RAI14: variants seen among roughly 807,000 people sequenced by gnomAD.
RAI14 encodes retinoic acid induced 14.
A neutral mutation model predicts 115.4 loss-of-function variants in RAI14; 45 were observed. That is an observed-to-expected ratio of 0.39 (90% CI 0.31 to 0.50). The LOEUF (loss-of-function observed/expected upper bound fraction) is 0.50, where lower values mean the gene tolerates loss of function less well. Among genes scored for constraint, RAI14 ranks in the 20% least tolerant of loss-of-function variants. RAI14 has a pLI of 0.85. For synonymous variants in RAI14, 371 were observed against 415.4 expected (o/e 0.89, Z 1.30); for missense variants, 939 against 1,131.2 (o/e 0.83, Z 2.44).
chr5:34,789,975 T>C (rs1024138711), intron 3 of RAI14, among the ~76,000 whole-genome samples: 6 of 152,212 alleles, frequency 3.9e-5, no homozygotes, highest in African/African-American at 1.4e-4. Context: ...TTTTTGTCCC[T>C]CTTCTAAGCT....
chr5:34,677,242 G>A (rs1744055181), intron 1 of RAI14, among the ~76,000 whole-genome samples: 1 of 124,210 alleles, frequency 8.1e-6, no homozygotes, highest in African/African-American at 3.3e-5. Context: ...TCAGCTCACA[G>A]CAACCTTTGT....
At chr5:34,725,848 G>A (rs2150008196) in intron 2 of RAI14, among the ~76,000 whole-genome samples, 1 of 151,322 alleles carries the variant, frequency 6.6e-6, no homozygotes, top group Non-Finnish European at 1.5e-5. Flanking sequence ...CGTGTAATCA[G>A]CTACTTGGGA....
chr5:34,716,551 T>C (rs1742024204), intron 2 of RAI14, among the ~76,000 whole-genome samples: 1 of 152,098 alleles, frequency 6.6e-6, no homozygotes. Context: ...TAGCTGAGCC[T>C]ACAGGTGCGT....
intron 2 of RAI14, among the ~76,000 whole-genome samples, chr5:34,692,837 G>A (rs1738799691): frequency 6.6e-6 from 1 of 152,140 alleles, no homozygotes; most frequent in African/African-American, 2.4e-5. Context: ...CCACAAACCA[G>A]GTGGCTGAAA....
rs113591104 is a variant in RAI14 at position 34,824,600 on chromosome 5, A to T, written c.2649+109A>T. ...TGGCACTAAACTGGAGTGAATGCTC[A>T]GAGGCTCTGCACATGAACTTTATCT... On this transcript the variant is annotated intron_variant, in intron 15 of 17. Coordinates refer to ENST00000265109, the MANE Select transcript of RAI14 (RefSeq NM_015577.3). 4 of 893,022 alleles carry T rather than the reference A, an allele frequency of 4.5e-6. No individual in the cohort carries two copies. In the African/African-American group the frequency reaches 6.7e-5, roughly 15 times the overall value. 55.3% of individuals were successfully genotyped at this position (893,022 alleles called of 1,614,324 possible).
At chr5:34,657,262 TC>T (rs1216236631) in intron 1 of RAI14, 1 of 150,972 alleles carries the variant, frequency 6.6e-6, no homozygotes. Context: ...TGGGGTGTCG[TC>T]CTCAACCACC....
chr5:34,659,699 A>G (rs563242456), intron 1 of RAI14, among the ~76,000 whole-genome samples: 1 of 152,232 alleles, frequency 6.6e-6, no homozygotes, highest in African/African-American at 2.4e-5. Flanking sequence ...TTACACACTT[A>G]TTTAGTTAGT....
At chr5:34,664,742 T>C (rs113507544) in intron 1 of RAI14, among the ~76,000 whole-genome samples, 14,500 of 151,554 alleles carry the variant, frequency 0.096, 792 homozygotes, top group African/African-American at 0.13. Flanking sequence ...ATACGCTGCA[T>C]CCTATTTGTA....
At chr5:34,750,847 C>CCTTTTTT (rs1561309335) in intron 2 of RAI14, among the ~76,000 whole-genome samples, 2 of 62,456 alleles carry the variant, frequency 3.2e-5, no homozygotes, top group African/African-American at 7.6e-5. Flanking sequence ...TTTGCTTTAT[C>CCTTTTTT]ATTTTTTTTT....
chr5:34,732,014 G>A (rs1278245701), intron 2 of RAI14, among the ~76,000 whole-genome samples: 1 of 152,164 alleles, frequency 6.6e-6, no homozygotes, highest in Non-Finnish European at 1.5e-5. Flanking sequence ...TCTGTTTTCA[G>A]TCTCCTAAAG....
intron 2 of RAI14, among the ~76,000 whole-genome samples, chr5:34,746,436 G>T (rs79053399): frequency 0.17 from 24,559 of 144,214 alleles, 2,739 homozygotes; most frequent in Non-Finnish European, 0.22. Flanking sequence ...ACAGACTCTC[G>T]CTCTGTAGCC....
intron 4 of RAI14, among the ~76,000 whole-genome samples, chr5:34,802,231 G>A (rs528475122): frequency 6.6e-6 from 1 of 152,192 alleles, no homozygotes; most frequent in East Asian, 1.9e-4. Context: ...ACCATCCACA[G>A]CAATTATCCA....
intron 11 of RAI14, 37 bp downstream of exon 11, chr5:34,813,697 C>A: frequency 1.3e-6 from 2 of 1,501,288 alleles, no homozygotes; most frequent in Non-Finnish European, 1.8e-6. Context: ...AATAAACGCA[C>A]CACAAGAAAG....
intron 2 of RAI14, among the ~76,000 whole-genome samples, chr5:34,744,859 C>T (rs896976226): frequency 6.6e-6 from 1 of 152,200 alleles, no homozygotes; most frequent in African/African-American, 2.4e-5. Flanking sequence ...CATGCTCCCT[C>T]CCAAGGTTCT....
At chr5:34,808,292 C>A (rs1188212532) in intron 6 of RAI14, among the ~76,000 whole-genome samples, 1 of 152,206 alleles carries the variant, frequency 6.6e-6, no homozygotes, top group Non-Finnish European at 1.5e-5. Flanking sequence ...TAGATTTACA[C>A]ATGTGTTTTA....
At chr5:34,806,990 CCA>C (rs1041706137) in intron 5 of RAI14, among the ~76,000 whole-genome samples, 1 of 152,168 alleles carries the variant, frequency 6.6e-6, no homozygotes, top group African/African-American at 2.4e-5. Context: ...ATGATAGTAT[CCA>C]CCTCGTGTTG....
In RAI14 at chr5:34,785,361, A is replaced by G. The variant is rs182800871; in HGVS notation, c.168-10578A>G. Among the ~76,000 whole-genome samples the G allele has an allele frequency of 2.5e-3, 381 of 152,220 alleles. 1 individual carries two copies. Among genetic ancestry groups the G allele is most frequent in the African/African-American group, 8.6e-3 (358 of 41,550 alleles). On this transcript the variant is annotated intron_variant, in intron 3 of 17. Transcript: ENST00000265109. ...CCATACCAGGGACATACCCCGTTTC[A>G]TGCATCATATGTTGACTTTGAGGGC...
chr5:34,693,732 C>T lies in RAI14; in HGVS notation c.36+6777C>T, dbSNP rs535782970. On this transcript the variant is annotated intron_variant, in intron 2 of 17. Transcript: ENST00000265109. ...GTCGCATGCTGTCAACCGCAGCACA[C>T]GCTTGCTAACAGGTTGCTGGTTCCT... Among the ~76,000 whole-genome samples, 10 of 152,280 alleles carry T rather than the reference C, an allele frequency of 6.6e-5. No individual in the cohort carries two copies. In the East Asian group the frequency reaches 1.3e-3, roughly 21 times the overall value.
rs1748044007 is a variant in RAI14, at chr5:34,757,474, G to A, written c.43G>A (p.Glu15Lys). Residue 15 changes from glutamate (E) to lysine (K), a missense_variant, in exon 3 of 18, where the codon GAG (glutamate) becomes AAG (lysine). Physicochemically the swap from Glu to Lys is moderately conservative, Grantham distance 56 (BLOSUM62 1). Transcript: ENST00000265109. The stretch of plus-strand genomic sequence containing the variant: ...TTCTTCTCTTTCTCTACAGACCAAT[G>A]AGTGGAACAAGAATGATGACCGGCT... ...KAKFRKSDTN[E>K]WNKNDDRLLQ... is the part of the protein sequence containing the mutation. The A allele has an allele frequency of 1.2e-6, 2 of 1,613,486 alleles. No homozygotes were observed. Among genetic ancestry groups the A allele is most frequent in the Non-Finnish European group, 1.7e-6 (2 of 1,179,780 alleles).
Sources: allele counts gnomAD v4.1 joint callset (sites outside exome capture counted in the v4.1 genomes callset), GRCh38; gene constraint gnomAD v4.1.1; transcripts MANE v1.5; gene names NCBI Gene and HGNC (gene_info 2026-07-23, HGNC 2026-07-21).